Variants in ANKRD40 observed in about 807,000 individuals in gnomAD.
The protein encoded by ANKRD40 is ankyrin repeat domain-containing protein 40.
Under a neutral mutation model 35.5 loss-of-function variants are expected in ANKRD40, and 24 were observed. The observed-to-expected ratio is 0.68, with a 90% CI of 0.49 to 0.95. The LOEUF (loss-of-function observed/expected upper bound fraction) is 0.95, where lower values mean the gene tolerates loss of function less well. Among genes scored for constraint, ANKRD40 ranks in the 40% least tolerant of loss-of-function variants. ANKRD40 has a pLI of 0.00. For synonymous variants in ANKRD40, 147 were observed against 173.5 expected (o/e 0.85, Z 1.20); for missense variants, 361 against 436.0 (o/e 0.83, Z 1.53).
In ANKRD40 at chr17:50,696,949, C is replaced by T. The variant is rs926266240; in HGVS notation, c.951G>A (p.Leu317=). 1.2e-6 allele frequency: 2 copies of T among 1,601,198 alleles called. No homozygotes were observed. The highest frequency in any genetic ancestry group is 8.5e-7 in the Non-Finnish European group (1 of 1,174,692). ...CTTAGACTTTTCTTACCTTCCTTAA[C>T]AGAGTATTGGGTAACTTTCTGATCT... ...VEKIRKLPNT[L]LRKDKDVARL... Residue 317 remains leucine (L), a synonymous_variant, in exon 4 of 5, where the codon CTG becomes CTA. Coordinates refer to ENST00000285243, the MANE Select transcript of ANKRD40 (RefSeq NM_052855.4).
At chr17:50,700,840 G>A in intron 1 of ANKRD40, 124 bp from the exon 2 acceptor site, 2 of 836,402 alleles carry the variant, frequency 2.4e-6, no homozygotes, top group South Asian at 3.3e-5. Flanking sequence ...TAACCGGGCT[G>A]GTAATCTCAA....
intron 1 of ANKRD40, among the ~76,000 whole-genome samples, chr17:50,702,476 C>G (rs907552498): frequency 1.3e-5 from 2 of 152,034 alleles, no homozygotes; most frequent in African/African-American, 4.8e-5. Context: ...CCAATCTACC[C>G]TTGATTCTGG....
chr17:50,707,726 C>G lies in ANKRD40; in HGVS notation c.-72G>C, dbSNP rs1266942179. The G allele has an allele frequency of 5.3e-6, 6 of 1,132,986 alleles. No individual in the cohort carries two copies. Among genetic ancestry groups the G allele is most frequent in the East Asian group, 4.1e-5 (1 of 24,274 alleles). 70.2% of individuals were successfully genotyped at this position (1,132,986 alleles called of 1,614,324 possible). ...GCCCGGGGCCTGTCAGCGCCGCCGC[C>G]GTCGCCGCGGCCCGCTCCCGGCCAT... On this transcript the variant is annotated 5_prime_UTR_variant, in exon 1 of 5. Transcript: ENST00000285243. The surrounding 1 kb of genome is among the most constrained non-coding windows in gnomAD (Gnocchi z 4.8).
At chr17:50,697,476 A>G (rs1444358756) in intron 3 of ANKRD40, among the ~76,000 whole-genome samples, 2 of 152,238 alleles carry the variant, frequency 1.3e-5, no homozygotes, top group Non-Finnish European at 2.9e-5. Flanking sequence ...ATACATGAAC[A>G]GGGGAAGAGG....
chr17:50,693,654 A>C lies in ANKRD40; in HGVS notation c.*2343T>G, dbSNP rs534501374. The C allele has an allele frequency of 6.6e-6, 1 of 152,380 alleles. No individual in the cohort carries two copies. The highest frequency in any genetic ancestry group is 1.9e-4 in the East Asian group (1 of 5,188). 9.4% of individuals were successfully genotyped at this position (152,380 alleles called of 1,614,324 possible). A position where few individuals can be genotyped will look rare whatever the true frequency, so the allele number is the denominator to read the frequency against. On this transcript the variant is annotated 3_prime_UTR_variant, in exon 5 of 5. Transcript: ENST00000285243. ...TCCCAGCCAGGGGCTCCACTGCTCC[A>C]CTTTAATTAATCTGGGTGGCTGAAA... is the stretch of plus-strand genomic sequence containing the variant.
At chr17:50,699,331 T>C (rs1253905124) in intron 3 of ANKRD40, 68 bp downstream of exon 3, 5 of 1,551,568 alleles carry the variant, frequency 3.2e-6, no homozygotes, top group Non-Finnish European at 3.5e-6. Context: ...CCAGAATACC[T>C]CATTAAATCC....
chr17:50,700,740 G>C, intron 1 of ANKRD40, 24 bp from the exon 2 acceptor site: 1 of 1,587,444 alleles, frequency 6.3e-7, no homozygotes, highest in Non-Finnish European at 8.6e-7. Context: ...AATAATGATT[G>C]AAAAAGAGGA....
At chr17:50,702,291 T>A (rs1207262707) in intron 1 of ANKRD40, among the ~76,000 whole-genome samples, 2 of 151,712 alleles carry the variant, frequency 1.3e-5, no homozygotes, top group African/African-American at 4.9e-5. Flanking sequence ...TCCCAGCTAC[T>A]GGGGAGGCTG....
intron 1 of ANKRD40, among the ~76,000 whole-genome samples, chr17:50,703,961 G>A (rs960717901): frequency 6.6e-6 from 1 of 152,062 alleles, no homozygotes; most frequent in Admixed American, 6.5e-5. Flanking sequence ...CAGAGGTGTA[G>A]TGGTAGGGTT....
chr17:50,700,236 G>A (rs1009467961), intron 2 of ANKRD40: 2 of 256,540 alleles, frequency 7.8e-6, no homozygotes, highest in African/African-American at 2.2e-5. Flanking sequence ...CTGAGGTCGG[G>A]AGTTTGAGAC....
chr17:50,697,951 T>G (rs1177772347), intron 3 of ANKRD40, among the ~76,000 whole-genome samples: 1 of 152,268 alleles, frequency 6.6e-6, no homozygotes, highest in African/African-American at 2.4e-5. Context: ...AGAATCAGGA[T>G]GAACTTGTGG....
intron 4 of ANKRD40, 74 bp downstream of exon 4, chr17:50,696,866 C>T (rs1968206591): frequency 7.4e-7 from 1 of 1,344,274 alleles, no homozygotes; most frequent in South Asian, 1.5e-5. Context: ...CCTCAACTAC[C>T]TCATATAACC....
chr17:50,698,212 G>A (rs1213731964), intron 3 of ANKRD40, among the ~76,000 whole-genome samples: 1 of 151,838 alleles, frequency 6.6e-6, no homozygotes, highest in Non-Finnish European at 1.5e-5. Context: ...GTTGGGGCAG[G>A]AAAAGTTATG....
intron 4 of ANKRD40, 67 bp from the exon 5 acceptor site, chr17:50,696,210 T>C (rs1257324619): frequency 7.4e-6 from 11 of 1,496,078 alleles, no homozygotes; most frequent in African/African-American, 1.4e-5. Flanking sequence ...GTGCACTCTA[T>C]TGATACCAGT....
intron 3 of ANKRD40, among the ~76,000 whole-genome samples, chr17:50,698,086 G>A (rs989306306): frequency 1.3e-5 from 2 of 151,820 alleles, no homozygotes; most frequent in Non-Finnish European, 2.9e-5. Flanking sequence ...ACCACATCCT[G>A]GTGTCTGAAT....
intron 1 of ANKRD40, among the ~76,000 whole-genome samples, chr17:50,705,211 G>A (rs1188652702): frequency 6.6e-6 from 1 of 151,920 alleles, no homozygotes; most frequent in Non-Finnish European, 1.5e-5. Context: ...TCTCATTAAG[G>A]GCTCACAATA....
chr17:50,705,509 T>C (rs1468034602), intron 1 of ANKRD40, among the ~76,000 whole-genome samples: 5 of 151,888 alleles, frequency 3.3e-5, no homozygotes, highest in Admixed American at 3.3e-4. Context: ...TTAGGGAAAT[T>C]AGGTAGAAAA....
chr17:50,699,815 G>A lies in ANKRD40; in HGVS notation c.362C>T (p.Pro121Leu). The A allele has an allele frequency of 6.4e-7, 1 of 1,567,226 alleles. No homozygotes were observed. Among genetic ancestry groups the A allele is most frequent in the Non-Finnish European group, 8.7e-7 (1 of 1,155,576 alleles). ...GAAGGCTGGGTTGGCCAAATAGTTG[G>A]GAACAAAGGGCAGTTCTGACTCCTT... Reference protein sequence around the residue: ...LKKESELPFVPNYLANPAFPF... With the variant: ...LKKESELPFVLNYLANPAFPF... Residue 121 changes from proline (P) to leucine (L), a missense_variant, in exon 3 of 5, where the codon CCC becomes CTC. This residue lies in a region of ANKRD40 where 172 missense variants were observed against 174.0 expected (regional missense o/e 0.99). Transcript: ENST00000285243.
At position 50,695,082 on chromosome 17, in the gene ANKRD40, A is replaced by G. The variant is rs945898286; in HGVS notation, c.*915T>C. The G allele has an allele frequency of 1.2e-4, 18 of 152,146 alleles. No individual in the cohort carries two copies. Among genetic ancestry groups the G allele is most frequent in the African/African-American group, 4.1e-4 (17 of 41,412 alleles). 9.4% of individuals were successfully genotyped at this position (152,146 alleles called of 1,614,324 possible). On this transcript the variant is annotated 3_prime_UTR_variant, in exon 5 of 5. Coordinates refer to ENST00000285243, the MANE Select transcript of ANKRD40 (RefSeq NM_052855.4). ...CTGGAATCACTTCAGAGTAAAAAAA[A>G]AGTGGGCTGGGTGCAGTGGCTCACA...
Sources: allele counts gnomAD v4.1 joint callset (sites outside exome capture counted in the v4.1 genomes callset), GRCh38; gene constraint gnomAD v4.1.1; regional missense constraint gnomAD v4.1.1; non-coding constraint Gnocchi (gnomAD v3.1); transcripts MANE v1.5; gene names NCBI Gene and HGNC (gene_info 2026-07-23, HGNC 2026-07-21).